The following CTNNA2 variants were observed in gnomAD, a reference collection of about 807,000 sequenced individuals.
CTNNA2 encodes the protein catenin alpha-2.
In CTNNA2, 42 loss-of-function variants were observed where a neutral mutation model predicts 101.0. The observed-to-expected ratio is 0.42, with a 90% CI of 0.32 to 0.54. The LOEUF (loss-of-function observed/expected upper bound fraction) is 0.54, where lower values mean the gene tolerates loss of function less well. Among genes scored for constraint, CTNNA2 ranks in the 20% least tolerant of loss-of-function variants. CTNNA2 has a pLI of 0.14. For synonymous variants in CTNNA2, 450 were observed against 456.4 expected (o/e 0.99, Z 0.18); for missense variants, 871 against 1,223.1 (o/e 0.71, Z 4.29).
intron 4 of CTNNA2, among the ~76,000 whole-genome samples, chr2:79,409,436 T>A (rs1015646361): frequency 2.6e-5 from 4 of 152,208 alleles, no homozygotes; most frequent in African/African-American, 9.7e-5. Flanking sequence ...GTTTTAGGTC[T>A]AACATTTAAG....
chr2:79,596,339 G>C (rs79445712), intron 1 of CTNNA2, among the ~76,000 whole-genome samples: 3 of 152,062 alleles, frequency 2.0e-5, no homozygotes, highest in African/African-American at 7.2e-5. Context: ...GGGAAAAAAG[G>C]AGGGCATCAA....
chr2:80,138,190 G>A (rs1375462058), intron 7 of CTNNA2, among the ~76,000 whole-genome samples: 2 of 152,114 alleles, frequency 1.3e-5, no homozygotes, highest in African/African-American at 4.8e-5. Flanking sequence ...AGTGGTCTTA[G>A]AAAAACCTGG....
At chr2:80,051,372 T>C (rs1054411168) in intron 7 of CTNNA2, among the ~76,000 whole-genome samples, 3 of 152,208 alleles carry the variant, frequency 2.0e-5, no homozygotes, top group Admixed American at 6.5e-5. Flanking sequence ...TTGGAACATG[T>C]TTCCTATGGT....
At chr2:79,525,730 G>A (rs957744752) in intron 1 of CTNNA2, among the ~76,000 whole-genome samples, 2 of 151,984 alleles carry the variant, frequency 1.3e-5, no homozygotes, top group African/African-American at 2.4e-5. Context: ...GTAACAAGTG[G>A]TAAGTCGTGG....
At chr2:79,776,824 C>A (rs1364821630) in intron 3 of CTNNA2, among the ~76,000 whole-genome samples, 1 of 152,094 alleles carries the variant, frequency 6.6e-6, no homozygotes, top group Non-Finnish European at 1.5e-5. Flanking sequence ...TTATTTGAGC[C>A]AAACCCACAT....
intron 3 of CTNNA2, among the ~76,000 whole-genome samples, chr2:79,762,109 T>A (rs1672827038): frequency 6.6e-6 from 1 of 152,176 alleles, no homozygotes; most frequent in African/African-American, 2.4e-5. Flanking sequence ...TGGTCTTAAT[T>A]TCTCAGCTAG....
chr2:79,260,421 C>T (rs556674638), intron 2 of CTNNA2, among the ~76,000 whole-genome samples: 2 of 152,228 alleles, frequency 1.3e-5, no homozygotes, highest in South Asian at 2.1e-4. Context: ...ACCTCAGGAG[C>T]GTCTGAGGAA....
chr2:79,764,582 A>G (rs1673011981), intron 3 of CTNNA2, among the ~76,000 whole-genome samples: 1 of 152,228 alleles, frequency 6.6e-6, no homozygotes, highest in South Asian at 2.1e-4. Flanking sequence ...ATCTGTAAGA[A>G]ACAAAGACAG....
chr2:79,264,768 A>G (rs1292218470), intron 2 of CTNNA2, among the ~76,000 whole-genome samples: 2 of 151,734 alleles, frequency 1.3e-5, no homozygotes, highest in East Asian at 3.9e-4. Context: ...GTTGTGTTCT[A>G]TAGTCTCTCA....
At chr2:80,406,027 G>A (rs1679019144) in intron 8 of CTNNA2, among the ~76,000 whole-genome samples, 1 of 152,168 alleles carries the variant, frequency 6.6e-6, no homozygotes, top group African/African-American at 2.4e-5. Flanking sequence ...TACACTATGA[G>A]TTGCAACTAT....
chr2:80,169,237 A>G (rs1460305656), intron 7 of CTNNA2, among the ~76,000 whole-genome samples: 4 of 152,188 alleles, frequency 2.6e-5, no homozygotes, highest in African/African-American at 7.2e-5. Flanking sequence ...GTGTGACTCA[A>G]GCCTGGACAT....
At chr2:80,577,615 A>G (rs1695166378) in intron 13 of CTNNA2, among the ~76,000 whole-genome samples, 1 of 149,094 alleles carries the variant, frequency 6.7e-6, no homozygotes, top group African/African-American at 2.5e-5. Flanking sequence ...ATCAGTTAGG[A>G]ACCTCCAGAA....
chr2:79,671,899 T>C (rs1682865356), intron 2 of CTNNA2, among the ~76,000 whole-genome samples: 1 of 152,238 alleles, frequency 6.6e-6, no homozygotes, highest in African/African-American at 2.4e-5. Context: ...TTCTTTTCTG[T>C]AGGCAGATTA....
At chr2:80,429,299 C>T (rs979327739) in intron 9 of CTNNA2, among the ~76,000 whole-genome samples, 2 of 152,128 alleles carry the variant, frequency 1.3e-5, no homozygotes, top group African/African-American at 4.8e-5. Context: ...CTTCTGACAA[C>T]CTTATGAAGT....
intron 7 of CTNNA2, among the ~76,000 whole-genome samples, chr2:80,315,560 C>G (rs1205141177): frequency 6.6e-6 from 1 of 152,262 alleles, no homozygotes; most frequent in South Asian, 2.1e-4. Context: ...AGTAGGCTAG[C>G]TCTGGTGCAA....
intron 7 of CTNNA2, among the ~76,000 whole-genome samples, chr2:80,277,609 CTG>C (rs1294922528): frequency 2.1e-5 from 3 of 140,018 alleles, no homozygotes; most frequent in African/African-American, 8.0e-5. Flanking sequence ...TGTGTAGAAA[CTG>C]GATCCTAAAA....
At chr2:79,229,372 C>G (rs1674461533) in intron 2 of CTNNA2, among the ~76,000 whole-genome samples, 1 of 152,240 alleles carries the variant, frequency 6.6e-6, no homozygotes, top group South Asian at 2.1e-4. Context: ...GTGCTATTCT[C>G]GTGATGGTGA....
chr2:80,484,264 G>A (rs1383485563), intron 9 of CTNNA2, among the ~76,000 whole-genome samples: 2 of 152,174 alleles, frequency 1.3e-5, no homozygotes, highest in South Asian at 2.1e-4. Flanking sequence ...TTTATAACAC[G>A]TACCTATGAT....
rs1226008710 is a variant in CTNNA2, at chr2:79,605,791, C to T, written c.-5-45761C>T. On this transcript the variant is annotated intron_variant, in intron 1 of 18. Coordinates refer to ENST00000402739, the MANE Select transcript of CTNNA2 (RefSeq NM_001282597.3). ...AATAAACTAGCTGTGTGTGGTGGTA[C>T]ATGCCTGTACTCTGAGCTGCTCAGA... 7.9e-5 allele frequency among the ~76,000 whole-genome samples: 12 copies of T among 152,092 alleles called. No individual in the cohort carries two copies. In the South Asian group the frequency reaches 8.3e-4, roughly 11 times the overall value.
Sources: allele counts gnomAD v4.1 joint callset (sites outside exome capture counted in the v4.1 genomes callset), GRCh38; gene constraint gnomAD v4.1.1; transcripts MANE v1.5; gene names NCBI Gene and HGNC (gene_info 2026-07-23, HGNC 2026-07-21).